The following TMEM132D variants were observed in gnomAD, a reference collection of about 807,000 sequenced individuals.
The protein encoded by TMEM132D is transmembrane protein 132D, also known as mature OL transmembrane protein.
A neutral mutation model predicts 62.3 loss-of-function variants in TMEM132D; 21 were observed. The ratio of observed to expected loss-of-function variants is 0.34; its 90% confidence interval spans 0.24 to 0.49. The LOEUF is 0.49. Ranked by LOEUF, TMEM132D falls within the 20% of genes least tolerant of loss-of-function variation. The pLI is 0.99. For synonymous variants in TMEM132D, 621 were observed against 575.6 expected, an observed-to-expected ratio of 1.08 and a Z score of -1.13; for missense variants, 1,346 against 1,402.8, an observed-to-expected ratio of 0.96 and a Z score of 0.65.
chr12:129,464,319 G>GTTGT (rs763333085), intron 3 of TMEM132D, among the ~76,000 whole-genome samples: 1 of 151,952 alleles, frequency 6.6e-6, no homozygotes, highest in Admixed American at 6.6e-5. Flanking sequence ...TTTTGATGGG[G>GTTGT]TTGTTTTTTT....
At chr12:129,409,304 C>G (rs1871893143) in intron 3 of TMEM132D, among the ~76,000 whole-genome samples, 1 of 152,134 alleles carries the variant, frequency 6.6e-6, no homozygotes, top group African/African-American at 2.4e-5. Flanking sequence ...CAGGTCTCTC[C>G]TGGGACAAAA....
chr12:129,090,636 C>A (rs1321623348), intron 5 of TMEM132D, among the ~76,000 whole-genome samples: 1 of 151,792 alleles, frequency 6.6e-6, no homozygotes, highest in African/African-American at 2.4e-5. Flanking sequence ...CCACTGCACT[C>A]CAGCCTAGGT....
intron 1 of TMEM132D, among the ~76,000 whole-genome samples, chr12:129,743,049 C>A (rs1306939307): frequency 6.6e-6 from 1 of 152,170 alleles, no homozygotes; most frequent in Non-Finnish European, 1.5e-5. Flanking sequence ...AAAGCACATC[C>A]CAATCCACAG....
chr12:129,251,308 G>A (rs1359565429), intron 4 of TMEM132D, among the ~76,000 whole-genome samples: 11 of 142,168 alleles, frequency 7.7e-5, no homozygotes, highest in African/African-American at 2.4e-4. Context: ...GCAGTGAGCC[G>A]AGATTGCACC....
At chr12:129,308,498 G>A (rs895603279) in intron 4 of TMEM132D, among the ~76,000 whole-genome samples, 4 of 152,108 alleles carry the variant, frequency 2.6e-5, no homozygotes, top group Non-Finnish European at 5.9e-5. Context: ...CCATTTCTCT[G>A]CCACAGAAAC....
chr12:129,577,463 A>C (rs1055980160), intron 2 of TMEM132D, among the ~76,000 whole-genome samples: 10 of 149,906 alleles, frequency 6.7e-5, no homozygotes, highest in Non-Finnish European at 4.4e-5. Context: ...AGAAATATTC[A>C]ACACTGCATC....
intron 3 of TMEM132D, among the ~76,000 whole-genome samples, chr12:129,497,424 A>G (rs1331207231): frequency 6.6e-6 from 1 of 152,192 alleles, no homozygotes; most frequent in South Asian, 2.1e-4. Context: ...CCTCTTACTG[A>G]GCACAGCAAT....
intron 2 of TMEM132D, among the ~76,000 whole-genome samples, chr12:129,666,664 ACAGT>A (rs1459366483): frequency 6.6e-6 from 1 of 152,152 alleles, no homozygotes; most frequent in Non-Finnish European, 1.5e-5. Context: ...TATGCTGAAA[ACAGT>A]CAGACCTTAT....
chr12:129,710,094 C>A (rs3914122), intron 1 of TMEM132D, among the ~76,000 whole-genome samples: 136,234 of 152,162 alleles, frequency 0.9, 62,052 homozygotes, highest in Non-Finnish European at 1. Context: ...AGAGATAGCA[C>A]GTATGAAAAG....
At chr12:129,431,394 A>G (rs1872650538) in intron 3 of TMEM132D, among the ~76,000 whole-genome samples, 2 of 152,216 alleles carry the variant, frequency 1.3e-5, no homozygotes, top group African/African-American at 4.8e-5. Context: ...TATGGCAAAG[A>G]CACATCTGTC....
chr12:129,866,456 G>A (rs1874064563), intron 1 of TMEM132D, among the ~76,000 whole-genome samples: 2 of 133,250 alleles, frequency 1.5e-5, no homozygotes, highest in Admixed American at 1.5e-4. Flanking sequence ...GGTGGGGGGA[G>A]GGGGGAGGGA....
intron 2 of TMEM132D, among the ~76,000 whole-genome samples, chr12:129,634,538 G>T (rs1179348393): frequency 3.3e-5 from 5 of 149,500 alleles, no homozygotes; most frequent in Non-Finnish European, 7.4e-5. Context: ...TGAATTCATT[G>T]AATTATTTGT....
At chr12:129,760,393 G>T (rs1373907182) in intron 1 of TMEM132D, among the ~76,000 whole-genome samples, 1 of 142,944 alleles carries the variant, frequency 7.0e-6, no homozygotes, top group Non-Finnish European at 1.5e-5. Flanking sequence ...GTGCAGTGGC[G>T]CGATCTCGGC....
intron 2 of TMEM132D, among the ~76,000 whole-genome samples, chr12:129,677,831 C>CTT (rs869098260): frequency 7.6e-4 from 89 of 117,638 alleles, no homozygotes; most frequent in Admixed American, 1.3e-3. Flanking sequence ...GTGATTTTGT[C>CTT]TTTTTTTTTT....
chr12:129,836,981 A>G (rs1304698725), intron 1 of TMEM132D, among the ~76,000 whole-genome samples: 1 of 152,232 alleles, frequency 6.6e-6, no homozygotes, highest in Admixed American at 6.5e-5. Flanking sequence ...AAGAAAATGT[A>G]AATGAAAAAG....
intron 4 of TMEM132D, among the ~76,000 whole-genome samples, chr12:129,286,327 TATCTGAAGCTGTGCTC>T (rs1881296007): frequency 6.6e-6 from 1 of 152,228 alleles, no homozygotes; most frequent in African/African-American, 2.4e-5. Flanking sequence ...ACCATGGCTA[TATCTGAAGCTGTGCTC>T]ATCTTCTTAT....
chr12:129,181,505 C>T (rs1878063713), intron 5 of TMEM132D, among the ~76,000 whole-genome samples: 2 of 152,316 alleles, frequency 1.3e-5, no homozygotes, highest in East Asian at 1.9e-4. Flanking sequence ...AGTGGCTCCC[C>T]CAGTCCTCCT....
At chr12:129,853,539 T>A (rs929621769) in intron 1 of TMEM132D, 1 of 152,136 alleles carries the variant, frequency 6.6e-6, no homozygotes, top group Non-Finnish European at 1.5e-5. Flanking sequence ...CCATATAAAC[T>A]AAAATCATGT....
chr12:129,257,524 A>G (rs940754781), intron 4 of TMEM132D, among the ~76,000 whole-genome samples: 5 of 152,086 alleles, frequency 3.3e-5, no homozygotes, highest in African/African-American at 1.2e-4. Flanking sequence ...CCTGGTTTTG[A>G]CAATGATTTG....
Sources: gnomAD v4.1 joint callset for allele counts (sites outside exome capture counted in the v4.1 genomes callset) on GRCh38, gnomAD v4.1.1 for gene constraint, MANE v1.5 for transcripts, NCBI Gene and HGNC (gene_info 2026-07-23, HGNC 2026-07-21) for gene names.